Variants in BRCC3 observed in about 807,000 individuals in gnomAD.
BRCC3 encodes the protein lys-63-specific deubiquitinase BRCC36.
Under a neutral mutation model 28.0 loss-of-function variants are expected in BRCC3, and 15 were observed. That is an observed-to-expected ratio of 0.54 (90% confidence interval 0.36 to 0.82). The LOEUF is 0.82. Among genes scored for constraint, BRCC3 ranks in the 40% least tolerant of loss-of-function variants. The probability of loss-of-function intolerance (pLI) is 0.01; values close to 1 mark genes in which losing one functional copy is unlikely to be tolerated. For synonymous variants in BRCC3, 66 were observed against 80.3 expected, an observed-to-expected ratio of 0.82 and a Z score of 0.95; for missense variants, 109 against 225.9, an observed-to-expected ratio of 0.48 and a Z score of 3.32.
chrX:155,114,831 G>T, intron 7 of BRCC3, among the ~76,000 whole-genome samples: 1 of 111,620 alleles, frequency 9.0e-6, no homozygotes, highest in Middle Eastern at 4.2e-3. Flanking sequence ...AGCACCAGAA[G>T]TAGACAAAGA....
At chrX:155,100,787 C>T (rs888699546) in intron 7 of BRCC3, among the ~76,000 whole-genome samples, 5 of 112,042 alleles carry the variant, frequency 4.5e-5, no homozygotes, top group Non-Finnish European at 9.4e-5. Context: ...ATTCTGTTTC[C>T]ATTGATTCAA....
intron 7 of BRCC3, among the ~76,000 whole-genome samples, chrX:155,107,220 T>A (rs1193969896): frequency 8.9e-6 from 1 of 111,990 alleles, no homozygotes; most frequent in Non-Finnish European, 1.9e-5. Context: ...AGTATATTTT[T>A]TGTCTTTCAT....
At chrX:155,090,917 A>G in intron 7 of BRCC3, 78 bp downstream of exon 7, 1 of 762,253 alleles carries the variant, frequency 1.3e-6, no homozygotes, top group South Asian at 2.3e-5. Flanking sequence ...GTTTCATTTT[A>G]TTCCTTTCAC....
At position 155,073,920 on chromosome X, in the gene BRCC3, C is replaced by T. The variant is rs1362896334; in HGVS notation, c.195+489C>T. Among the ~76,000 whole-genome samples the T allele has an allele frequency of 5.4e-5, 6 of 111,595 alleles. No homozygotes were observed. In the Admixed American group the frequency reaches 5.7e-4, roughly 11 times the overall value. On this transcript the variant is annotated intron_variant, in intron 3 of 10. Transcript: ENST00000330045. ...GATGGTCTAGTGTAATGCTTCTCAC[C>T]TAATCGTGGTATCGGACCAGTTAAC...
intron 3 of BRCC3, among the ~76,000 whole-genome samples, chrX:155,074,298 T>C (rs1254146318): frequency 8.9e-6 from 1 of 112,343 alleles, no homozygotes; most frequent in Non-Finnish European, 1.9e-5. Context: ...AGTACTCTTA[T>C]ATCCTTCCTT....
intron 7 of BRCC3, 84 bp from the exon 8 acceptor site, chrX:155,115,973 C>T: frequency 1.0e-6 from 1 of 963,191 alleles, no homozygotes; most frequent in Non-Finnish European, 1.4e-6. Flanking sequence ...ATGCCATATC[C>T]CAAACTTCCA....
At chrX:155,094,663 GA>G (rs1194448999) in intron 7 of BRCC3, among the ~76,000 whole-genome samples, 5 of 111,747 alleles carry the variant, frequency 4.5e-5, no homozygotes, top group African/African-American at 1.6e-4. Flanking sequence ...ATCCTATACT[GA>G]CCACTAGGTG....
chrX:155,075,272 A>C (rs1467054565), intron 3 of BRCC3, among the ~76,000 whole-genome samples: 1 of 51,226 alleles, frequency 2.0e-5, no homozygotes, highest in South Asian at 8.3e-4. Context: ...AACATCTGAT[A>C]ATGCTAAGCC....
chrX:155,074,493 A>T lies in BRCC3; in HGVS notation c.195+1062A>T, dbSNP rs181520337. On this transcript the variant is annotated intron_variant, in intron 3 of 10. Coordinates refer to ENST00000330045, the MANE Select transcript of BRCC3 (RefSeq NM_001018055.3). ...TTGTTGGTTTTGTTGTATTGCCTTT[A>T]TTCCTGTTTCCCCCTTCCCACAATC... Among the ~76,000 whole-genome samples the T allele has an allele frequency of 5.4e-5, 6 of 111,210 alleles. No individual in the cohort carries two copies. In the Admixed American group the frequency reaches 5.7e-4, roughly 11 times the overall value.
chrX:155,084,881 G>A (rs988119645), intron 5 of BRCC3, among the ~76,000 whole-genome samples: 1 of 111,371 alleles, frequency 9.0e-6, no homozygotes, highest in Non-Finnish European at 1.9e-5. Flanking sequence ...AAGGTGGGAG[G>A]AACCCTTGAG....
chrX:155,090,916 T>A (rs914818607), intron 7 of BRCC3, 77 bp downstream of exon 7: 4 of 763,593 alleles, frequency 5.2e-6, no homozygotes, highest in Non-Finnish European at 7.9e-6. Flanking sequence ...TGTTTCATTT[T>A]ATTCCTTTCA....
chrX:155,106,446 A>G (rs1444269899), intron 7 of BRCC3, among the ~76,000 whole-genome samples: 1 of 111,991 alleles, frequency 8.9e-6, no homozygotes, highest in Non-Finnish European at 1.9e-5. Flanking sequence ...TTATTTCCCA[A>G]TTCCTAAACC....
intron 7 of BRCC3, chrX:155,099,301 G>T: frequency 3.3e-6 from 4 of 1,207,354 alleles, no homozygotes; most frequent in Non-Finnish European, 4.5e-6. Flanking sequence ...TTGGTGTGTG[G>T]TTTCCATCCT....
At chrX:155,091,402 G>C (rs782076111) in intron 7 of BRCC3, among the ~76,000 whole-genome samples, 3 of 110,085 alleles carry the variant, frequency 2.7e-5, no homozygotes, top group South Asian at 7.8e-4. Context: ...CTCCTGAATA[G>C]CTGGGACTAC....
At chrX:155,084,518 A>G (rs2074107533) in intron 5 of BRCC3, among the ~76,000 whole-genome samples, 1 of 111,491 alleles carries the variant, frequency 9.0e-6, no homozygotes, top group South Asian at 3.8e-4. Context: ...ATCCGCCACC[A>G]CACCCGGCTA....
chrX:155,083,861 G>A (rs1007993702), intron 5 of BRCC3, among the ~76,000 whole-genome samples: 7 of 112,470 alleles, frequency 6.2e-5, no homozygotes, highest in Admixed American at 3.8e-4. Flanking sequence ...AGCTAATCAC[G>A]AGGAGTGTGT....
At position 155,122,933 on chromosome X, in the gene BRCC3, C is replaced by T. The variant is rs890094058; in HGVS notation, c.*1729C>T. 4 of 111,454 alleles carry T rather than the reference C, an allele frequency of 3.6e-5. No homozygotes were observed. The highest frequency in any genetic ancestry group is 7.5e-5 in the Non-Finnish European group (4 of 53,050). 9.2% of individuals were successfully genotyped at this position (111,454 alleles called of 1,213,427 possible). On this transcript the variant is annotated 3_prime_UTR_variant, in exon 11 of 11. Coordinates refer to ENST00000330045, the MANE Select transcript of BRCC3 (RefSeq NM_001018055.3). ...CAGTTCTATATGATTATGATGATTACGATGTTGATTATAACATTTGATTAT... is the reference window on the plus strand; with the variant it reads ...CAGTTCTATATGATTATGATGATTATGATGTTGATTATAACATTTGATTAT...
chrX:155,094,348 G>A (rs2074195378), intron 7 of BRCC3, among the ~76,000 whole-genome samples: 1 of 110,262 alleles, frequency 9.1e-6, no homozygotes, highest in Non-Finnish European at 1.9e-5. Flanking sequence ...TCTTGATGCT[G>A]CTGTTACTGC....
intron 1 of BRCC3, among the ~76,000 whole-genome samples, 175 bp from the exon 2 acceptor site, chrX:155,072,149 TGAG>T (rs1159043875): frequency 8.9e-6 from 1 of 112,012 alleles, no homozygotes; most frequent in Non-Finnish European, 1.9e-5. Flanking sequence ...TGCATTGTGT[TGAG>T]GAGGGGCCGA....
Sources: gnomAD v4.1 joint callset for allele counts (sites outside exome capture counted in the v4.1 genomes callset) on GRCh38, gnomAD v4.1.1 for gene constraint, MANE v1.5 for transcripts, NCBI Gene and HGNC (gene_info 2026-07-23, HGNC 2026-07-21) for gene names.